The following MAP3K12 variants were observed in gnomAD, a reference collection of about 807,000 sequenced individuals.
MAP3K12 encodes the protein MAPK-upstream kinase.
In MAP3K12, 14 loss-of-function variants were observed where a neutral mutation model predicts 87.5. The observed-to-expected ratio is 0.16, with a 90% CI of 0.11 to 0.25. MAP3K12 has a LOEUF of 0.25. Ranked by LOEUF, MAP3K12 falls within the 10% of genes least tolerant of loss-of-function variation. MAP3K12 has a pLI of 1.00. For synonymous variants in MAP3K12, 469 were observed against 452.5 expected (o/e 1.04, Z -0.46); for missense variants, 802 against 1,140.4 (o/e 0.70, Z 4.27).
chr12:53,481,810 C>T (rs1429384861), intron 13 of MAP3K12, 131 bp downstream of exon 13: 6 of 1,142,152 alleles, frequency 5.3e-6, no homozygotes, highest in Middle Eastern at 3.0e-4. Flanking sequence ...TGAAATTCCA[C>T]CACGTGGATA....
At position 53,486,881 on chromosome 12, in the gene MAP3K12, G is replaced by A. The variant is rs376510431; in HGVS notation, c.445+66C>T. ...GAAGGGACCATTGCGTGACTTTAGC[G>A]GAGCTGACCAACAGATCTCGGGCTC... On this transcript the variant is annotated intron_variant, in intron 2 of 13. Coordinates refer to ENST00000547488, the MANE Select transcript of MAP3K12 (RefSeq NM_001193511.2). The surrounding 1 kb of genome is among the most constrained non-coding windows in gnomAD (Gnocchi z 4.9). The A allele has an allele frequency of 2.8e-5, 44 of 1,588,268 alleles. No individual in the cohort carries two copies. The highest frequency in any genetic ancestry group is 5.4e-5 in the African/African-American group (4 of 74,500).
chr12:53,488,383 C>A (rs1450390342), intron 1 of MAP3K12, among the ~76,000 whole-genome samples: 1 of 152,198 alleles, frequency 6.6e-6, no homozygotes, highest in Non-Finnish European at 1.5e-5. Context: ...ACCATTAGGC[C>A]GGGTGCAGTG....
chr12:53,495,107 A>G (rs1425322607), intron 1 of MAP3K12, among the ~76,000 whole-genome samples: 4 of 152,024 alleles, frequency 2.6e-5, no homozygotes, highest in Non-Finnish European at 4.4e-5. Flanking sequence ...TGGGAGGCCC[A>G]GGCGGGCGGA....
At chr12:53,491,870 T>G (rs1285446016) in intron 1 of MAP3K12, among the ~76,000 whole-genome samples, 1 of 151,572 alleles carries the variant, frequency 6.6e-6, no homozygotes, top group Non-Finnish European at 1.5e-5. Context: ...GCTCGGGAGT[T>G]TGAGACCAGC....
At chr12:53,499,136 A>G (rs1943616854) in intron 1 of MAP3K12, among the ~76,000 whole-genome samples, 1 of 151,098 alleles carries the variant, frequency 6.6e-6, no homozygotes, top group African/African-American at 2.4e-5. Context: ...CTGTCCTTTA[A>G]GTCTGTCCCC....
Position 53,487,344 on chromosome 12 carries a change from G to A in MAP3K12, c.48C>T (p.Gly16=), listed in dbSNP as rs150244369. ...ETRTPSPSFG[G]FVSTLSEASM... ...ATGCCTCACTTAGGGTAGACACAAA[G>A]CCCCCAAAGGAAGGAGAGGGTGTTC... The change falls in exon 2 of 14, where the codon GGC becomes GGT. Residue 16 remains glycine (G), a synonymous_variant. Coordinates refer to ENST00000547488, the MANE Select transcript of MAP3K12 (RefSeq NM_001193511.2). The A allele has an allele frequency of 1.9e-6, 3 of 1,613,730 alleles. No homozygotes were observed. In the African/African-American group the frequency reaches 4.0e-5, roughly 22 times the overall value.
rs1375771277 is a variant in MAP3K12 at position 53,483,330 on chromosome 12, C to T, written c.1613+19G>A. Reference sequence around the variant, plus strand: ...AGTATCCCTCTTGCCATATTGGAACCACAGTACTCATGTCCCACCTTTTGC... The same window carrying T: ...AGTATCCCTCTTGCCATATTGGAACTACAGTACTCATGTCCCACCTTTTGC... On this transcript the variant is annotated intron_variant, in intron 10 of 13. Coordinates refer to ENST00000547488, the MANE Select transcript of MAP3K12 (RefSeq NM_001193511.2). The T allele has an allele frequency of 1.2e-6, 2 of 1,611,728 alleles. No individual in the cohort carries two copies.
chr12:53,483,173 T>C lies in MAP3K12; in HGVS notation c.1630A>G (p.Thr544Ala). The change falls in exon 11 of 14, where the codon ACG becomes GCG. Residue 544 changes from threonine to alanine, a missense_variant. Coordinates refer to ENST00000547488, the MANE Select transcript of MAP3K12 (RefSeq NM_001193511.2). ...TCTAGTTTAGGGAGCAAAGACTCCGTCTTGAGGATATCTGGCCTGGAAGAA... is the reference window on the plus strand; with the variant it reads ...TCTAGTTTAGGGAGCAAAGACTCCGCCTTGAGGATATCTGGCCTGGAAGAA... ...PHSKRPDILK[T>A]ESLLPKLDAA... 4.6e-6 allele frequency: 7 copies of C among 1,524,494 alleles called. No homozygotes were observed. In the East Asian group the frequency reaches 1.6e-4, roughly 35 times the overall value. The allele number at this position is 1,524,494 out of a possible 1,614,324, so 94.4% of individuals were successfully genotyped here. A position where few individuals can be genotyped will look rare whatever the true frequency, so the allele number is the denominator to read the frequency against.
At position 53,482,173 on chromosome 12, in the gene MAP3K12, G is replaced by A; in HGVS notation, c.2348C>T (p.Thr783Ile). ...ATCTGATGGATTCTCTGAGCTGAAG[G>A]TAGATAGTGACTGGCGCATGTTCAG... ...QSLNMRQSLSTFSSENPSDGE... is the reference protein window; with the variant it reads ...QSLNMRQSLSIFSSENPSDGE... The change falls in exon 13 of 14, where the codon ACC (threonine) becomes ATC (isoleucine). Residue 783 changes from threonine (T) to isoleucine (I), a missense_variant. Thr to Ile is a moderately conservative substitution (Grantham distance 89). Transcript: ENST00000547488. 1 of 1,614,232 alleles carries A rather than the reference G, an allele frequency of 6.2e-7. No homozygotes were observed.
upstream of MAP3K12, chr12:53,501,456 G>GCCTAGGTGAGCCGTCTC (rs1181295748): frequency 1.9e-6 from 3 of 1,567,232 alleles, no homozygotes; most frequent in Non-Finnish European, 2.6e-6. Context: ...GCTGCGGGCT[G>GCCTAGGTGAGCCGTCTC]CCTAGGTGAG....
chr12:53,487,048 T>C lies in MAP3K12; in HGVS notation c.344A>G (p.Gln115Arg), dbSNP rs1382064266. 6.2e-7 allele frequency: 1 copy of C among 1,614,134 alleles called. No homozygotes were observed. ...VRADEVRLQC[Q>R]SGSGFLEGLF... ...GCCCTCAAGGAAGCCACTGCCACTCTGGCACTGCAGTCGCACCTCGTCAGC... is the reference window on the plus strand; with the variant it reads ...GCCCTCAAGGAAGCCACTGCCACTCCGGCACTGCAGTCGCACCTCGTCAGC... Residue 115 changes from glutamine to arginine, a missense_variant, in exon 2 of 14, where the codon CAG becomes CGG. Gln to Arg is a conservative substitution (Grantham distance 43, BLOSUM62 1). This residue lies in a region of MAP3K12 where 135 missense variants were observed against 151.6 expected (regional missense o/e 0.89). Transcript: ENST00000547488.
At chr12:53,484,105 T>C in intron 7 of MAP3K12, 85 bp from the exon 8 acceptor site, 5 of 1,447,516 alleles carry the variant, frequency 3.5e-6, no homozygotes, top group Non-Finnish European at 4.8e-6. Flanking sequence ...ACTGCCAATG[T>C]GTGTGCTGGA....
rs1436299918 is a variant in MAP3K12, at chr12:53,482,428, TC to T, written c.2239-60del. The T allele has an allele frequency of 5.6e-6, 9 of 1,607,460 alleles. No homozygotes were observed. In the African/African-American group the frequency reaches 1.2e-4, roughly 22 times the overall value. On this transcript the variant is annotated intron_variant, in intron 11 of 13. Coordinates refer to ENST00000547488, the MANE Select transcript of MAP3K12 (RefSeq NM_001193511.2). ...AGAAGTGGAAAGAGGTCACTAAGAA[TC>T]CAGGAGAAGGGAACATAGTTACGAA...
intron 6 of MAP3K12, chr12:53,484,691 T>G: frequency 2.3e-6 from 1 of 443,766 alleles, no homozygotes; most frequent in East Asian, 4.5e-5. Context: ...TCCCTGGGTC[T>G]AGGTTCCAAA....
intron 4 of MAP3K12, 126 bp downstream of exon 4, chr12:53,485,930 C>G (rs1565886857): frequency 1.2e-6 from 1 of 833,946 alleles, no homozygotes; most frequent in Non-Finnish European, 1.9e-6. Flanking sequence ...ATGGGACTGT[C>G]ACTTGGAAGA....
intron 13 of MAP3K12, 58 bp downstream of exon 13, chr12:53,481,883 G>A: frequency 1.3e-6 from 2 of 1,569,894 alleles, no homozygotes; most frequent in South Asian, 1.2e-5. Context: ...TAAAAGACAA[G>A]GCATCTGCTT....
chr12:53,495,397 C>A (rs1368603455), intron 1 of MAP3K12, among the ~76,000 whole-genome samples: 2 of 140,290 alleles, frequency 1.4e-5, no homozygotes, highest in Admixed American at 7.2e-5. Flanking sequence ...CGCCTGTAAT[C>A]CCAGCAATGG....
Position 53,483,104 on chromosome 12 carries a change from G to C in MAP3K12, c.1699C>G (p.Pro567Ala), listed in dbSNP as rs775823102. Residue 567 changes from proline to alanine, a missense_variant, in exon 11 of 14, where the codon CCC (proline) becomes GCC (alanine). By Grantham distance (27) the Pro-to-Ala change is conservative (BLOSUM62 -1). Coordinates refer to ENST00000547488, the MANE Select transcript of MAP3K12 (RefSeq NM_001193511.2). ...CGGCGACTCCGTCCTGGTGAGGGGG[G>C]GCCCTTAGGACACCCAGGAAGCCCC... ...GVGLPGCPKG[P>A]PSPGRSRRGK... 3.9e-6 allele frequency: 6 copies of C among 1,524,678 alleles called. No individual in the cohort carries two copies. The African/African-American group carries it at 5.6e-5, about 14-fold the overall frequency. The allele number at this position is 1,524,678 out of a possible 1,614,324, so 94.4% of individuals were successfully genotyped here.
At chr12:53,499,641 C>A (rs1449761553), upstream of MAP3K12, 1 of 151,728 alleles carries the variant, frequency 6.6e-6, no homozygotes, top group African/African-American at 2.4e-5. Context: ...CCCCTAGCCC[C>A]GTCCCTGCTC....
Sources: allele counts gnomAD v4.1 joint callset (sites outside exome capture counted in the v4.1 genomes callset), GRCh38; gene constraint gnomAD v4.1.1; regional missense constraint gnomAD v4.1.1; non-coding constraint Gnocchi (gnomAD v3.1); transcripts MANE v1.5; gene names NCBI Gene and HGNC (gene_info 2026-07-23, HGNC 2026-07-21).